The following LARP1B variants were observed in gnomAD, a reference collection of about 807,000 sequenced individuals.
LARP1B encodes la-related protein 1B.
LARP1B carries 76 observed loss-of-function variants against 114.2 expected under a neutral mutation model. The ratio of observed to expected loss-of-function variants is 0.67; its 90% CI spans 0.55 to 0.81. The LOEUF (loss-of-function observed/expected upper bound fraction) is 0.81, where lower values mean the gene tolerates loss of function less well. Among genes scored for constraint, LARP1B ranks in the 30% least tolerant of loss-of-function variants. The pLI is 0.00. For synonymous variants in LARP1B, 345 were observed against 348.0 expected (o/e 0.99, Z 0.10); for missense variants, 1,014 against 1,075.8 (o/e 0.94, Z 0.80).
chr4:128,069,235 C>A (rs1764250353), intron 1 of LARP1B: 2 of 1,041,656 alleles, frequency 1.9e-6, no homozygotes, highest in Admixed American at 1.7e-5. Flanking sequence ...ATGAGGATAA[C>A]CTCAAAAAAC....
Position 128,162,289 on chromosome 4 carries a change from T to A in LARP1B, c.1620T>A (p.Val540=). The A allele has an allele frequency of 6.2e-7, 1 of 1,613,256 alleles. No individual in the cohort carries two copies. The highest frequency in any genetic ancestry group is 8.5e-7 in the Non-Finnish European group (1 of 1,179,404). ...TTCCTTTTGAGCCAAACCAAGAAGT[T>A]CCTGTAGCACCTTCACAGTCCAGGC... The part of the protein sequence containing the change: ...PELPFEPNQE[V]PVAPSQSRQG... Residue 540 remains valine (V), a synonymous_variant, in exon 12 of 20, where the codon GTT becomes GTA. Coordinates refer to ENST00000326639, the MANE Select transcript of LARP1B (RefSeq NM_018078.4).
downstream of LARP1B, chr4:128,222,605 T>A (rs1760103352): frequency 3.6e-6 from 1 of 277,638 alleles, no homozygotes; most frequent in African/African-American, 2.2e-5. Context: ...AGAGAAGTTG[T>A]CTTTATTGTG....
intron 11 of LARP1B, among the ~76,000 whole-genome samples, chr4:128,140,287 G>A (rs1727430066): frequency 6.6e-6 from 1 of 152,090 alleles, no homozygotes; most frequent in African/African-American, 2.4e-5. Flanking sequence ...AATATTTGAA[G>A]TATCTATCAG....
intron 5 of LARP1B, among the ~76,000 whole-genome samples, chr4:128,085,909 A>G (rs972677622): frequency 9.2e-5 from 14 of 151,534 alleles, no homozygotes; most frequent in Non-Finnish European, 1.5e-4. Context: ...AGCATTTTAC[A>G]TTTCCATCAG....
chr4:128,203,199 A>G (rs1215006327), intron 17 of LARP1B, among the ~76,000 whole-genome samples: 6 of 152,114 alleles, frequency 3.9e-5, no homozygotes, highest in Non-Finnish European at 7.4e-5. Context: ...CTCAACAAAA[A>G]AAAAGGTTAA....
chr4:128,187,338 G>A (rs1249883223), intron 15 of LARP1B, among the ~76,000 whole-genome samples: 1 of 152,238 alleles, frequency 6.6e-6, no homozygotes, highest in African/African-American at 2.4e-5. Context: ...GGCTTTGTGA[G>A]CCCACCCCTT....
intron 10 of LARP1B, among the ~76,000 whole-genome samples, chr4:128,116,106 C>G (rs1785721548): frequency 6.6e-6 from 1 of 152,078 alleles, no homozygotes; most frequent in Admixed American, 6.6e-5. Context: ...GTGGAGGGTA[C>G]ATAAGAGAGT....
At chr4:128,093,464 C>T (rs1276894689) in intron 7 of LARP1B, among the ~76,000 whole-genome samples, 2 of 151,728 alleles carry the variant, frequency 1.3e-5, no homozygotes, top group East Asian at 2.0e-4. Context: ...GGCGCGGTGG[C>T]GGGCGCCTGT....
chr4:128,140,076 A>AATATC (rs1407024554), intron 11 of LARP1B, among the ~76,000 whole-genome samples: 1 of 152,214 alleles, frequency 6.6e-6, no homozygotes, highest in African/African-American at 2.4e-5. Flanking sequence ...AGGAATATAA[A>AATATC]ATATCTCAAA....
chr4:128,139,966 C>A (rs1727252590), intron 11 of LARP1B, among the ~76,000 whole-genome samples: 1 of 152,162 alleles, frequency 6.6e-6, no homozygotes, highest in African/African-American at 2.4e-5. Flanking sequence ...GTTTAGTAGA[C>A]ATTAACCACA....
intron 5 of LARP1B, among the ~76,000 whole-genome samples, chr4:128,085,953 C>T (rs1284892014): frequency 2.0e-5 from 3 of 151,222 alleles, no homozygotes; most frequent in African/African-American, 7.3e-5. Flanking sequence ...TGTTAAGTCC[C>T]ATGTCTAGTG....
chr4:128,120,402 A>G (rs1207495361), intron 10 of LARP1B, among the ~76,000 whole-genome samples: 1 of 152,066 alleles, frequency 6.6e-6, no homozygotes, highest in Non-Finnish European at 1.5e-5. Flanking sequence ...TATAAGATCT[A>G]GGATCTAAAA....
intron 1 of LARP1B, among the ~76,000 whole-genome samples, chr4:128,063,342 C>T (rs903393211): frequency 2.1e-5 from 3 of 141,652 alleles, no homozygotes; most frequent in Non-Finnish European, 4.5e-5. Flanking sequence ...CAGGGAGAAT[C>T]GCTTGAACCC....
chr4:128,169,883 C>T (rs1304904836), intron 12 of LARP1B, among the ~76,000 whole-genome samples: 1 of 152,158 alleles, frequency 6.6e-6, no homozygotes, highest in Non-Finnish European at 1.5e-5. Context: ...ATGATCCACC[C>T]ACCTCGGCCT....
intron 5 of LARP1B, among the ~76,000 whole-genome samples, chr4:128,086,567 G>C (rs953392962): frequency 1.3e-5 from 2 of 152,156 alleles, no homozygotes; most frequent in African/African-American, 2.4e-5. Flanking sequence ...GGGCCCAAGC[G>C]ATCTTCCAGC....
At chr4:128,126,508 A>G (rs1032624008) in intron 11 of LARP1B, among the ~76,000 whole-genome samples, 3 of 152,226 alleles carry the variant, frequency 2.0e-5, no homozygotes, top group Non-Finnish European at 2.9e-5. Context: ...AAATATGTGT[A>G]GAGAAGAAGA....
Position 128,084,389 on chromosome 4 carries a change from G to A in LARP1B, c.358+2084G>A, listed in dbSNP as rs576310269. Among the ~76,000 whole-genome samples, 375 of 152,380 alleles carry A rather than the reference G, an allele frequency of 2.5e-3. 1 individual carries two copies. Among genetic ancestry groups the A allele is most frequent in the African/African-American group, 8.4e-3 (351 of 41,596 alleles). On this transcript the variant is annotated intron_variant, in intron 5 of 19. Transcript: ENST00000326639. ...GCAATCCCGGCACCTCCGGGAGGCC[G>A]AGGCTGGCGGATCACTCGCGGTTAG...
At chr4:128,179,301 A>G (rs1581346140) in intron 14 of LARP1B, 105 bp from the exon 15 acceptor site, 4 of 619,432 alleles carry the variant, frequency 6.5e-6, no homozygotes, top group Non-Finnish European at 1.1e-5. Context: ...TGTGTTATCT[A>G]CAGTATGAAA....
intron 11 of LARP1B, among the ~76,000 whole-genome samples, chr4:128,132,266 A>C (rs1197797888): frequency 6.6e-6 from 1 of 152,154 alleles, no homozygotes; most frequent in African/African-American, 2.4e-5. Context: ...GTGTTTTGAG[A>C]CAGAGTCTTA....
Sources: gnomAD v4.1 joint callset for allele counts (sites outside exome capture counted in the v4.1 genomes callset) on GRCh38, gnomAD v4.1.1 for gene constraint, MANE v1.5 for transcripts, NCBI Gene and HGNC (gene_info 2026-07-23, HGNC 2026-07-21) for gene names.